FMNL2: variants seen among roughly 807,000 people sequenced by gnomAD.
FMNL2 encodes formin like 2, also known as formin-like protein 2.
A neutral mutation model predicts 130.2 loss-of-function variants in FMNL2; 51 were observed. The observed-to-expected ratio is 0.39, with a 90% CI of 0.31 to 0.49. The LOEUF is 0.49. Ranked by LOEUF, FMNL2 falls within the 20% of genes least tolerant of loss-of-function variation. The pLI is 0.85. For missense variants in FMNL2, 977 were observed against 1,316.2 expected, an observed-to-expected ratio of 0.74 and a Z score of 3.99; for synonymous variants, 465 against 467.1, an observed-to-expected ratio of 1.00 and a Z score of 0.06.
In FMNL2 at chr2:152,395,178, G is replaced by A. The variant is rs562107981; in HGVS notation, c.117+59458G>A. The stretch of plus-strand genomic sequence containing the variant: ...AGTCCCACTGCAGAAGTCCTGCTCC[G>A]GTCAGCCCGTATTTCCAGAGTGTTC... On this transcript the variant is annotated intron_variant, in intron 1 of 25. Coordinates refer to ENST00000288670, the MANE Select transcript of FMNL2 (RefSeq NM_052905.4). 1.1e-4 allele frequency among the ~76,000 whole-genome samples: 16 copies of A among 152,248 alleles called. No homozygotes were observed. In the South Asian group the frequency reaches 3.1e-3, roughly 30 times the overall value.
chr2:152,587,820 T>C (rs1375396686), intron 9 of FMNL2, among the ~76,000 whole-genome samples: 1 of 152,186 alleles, frequency 6.6e-6, no homozygotes, highest in Non-Finnish European at 1.5e-5. Flanking sequence ...AATATGAAAA[T>C]GAATCAGACA....
At position 152,578,911 on chromosome 2, in the gene FMNL2, T is replaced by C; in HGVS notation, c.729T>C (p.Ser243=). Residue 243 remains serine, a synonymous_variant, in exon 8 of 26, where the codon TCT becomes TCC. Coordinates refer to ENST00000288670, the MANE Select transcript of FMNL2 (RefSeq NM_052905.4). ...AGTATGGTTTCAACATGGTCATGTCTCATCCACACGCTGTCAATGAGATTG... is the reference window on the plus strand; with the variant it reads ...AGTATGGTTTCAACATGGTCATGTCCCATCCACACGCTGTCAATGAGATTG... The part of the protein sequence containing the change: ...NYQYGFNMVM[S]HPHAVNEIAL... 1 of 1,613,402 alleles carries C rather than the reference T, an allele frequency of 6.2e-7. No individual in the cohort carries two copies. The highest frequency in any genetic ancestry group is 8.5e-7 in the Non-Finnish European group (1 of 1,179,632).
intron 1 of FMNL2, among the ~76,000 whole-genome samples, chr2:152,360,416 C>T (rs1440424337): frequency 2.0e-5 from 3 of 152,152 alleles, no homozygotes; most frequent in African/African-American, 7.2e-5. Context: ...ACTGCAGCCT[C>T]TACCTCCTGG....
At chr2:152,348,356 C>T (rs1433816255) in intron 1 of FMNL2, among the ~76,000 whole-genome samples, 1 of 152,204 alleles carries the variant, frequency 6.6e-6, no homozygotes, top group Non-Finnish European at 1.5e-5. Flanking sequence ...AGGCAAGGAT[C>T]ATGTCTTACG....
chr2:152,503,091 T>C (rs1297413959), intron 1 of FMNL2, among the ~76,000 whole-genome samples: 1 of 152,170 alleles, frequency 6.6e-6, no homozygotes, highest in Non-Finnish European at 1.5e-5. Flanking sequence ...TAAAGAGGAA[T>C]TACTCATGAC....
chr2:152,598,565 T>A (rs913034464), intron 9 of FMNL2, among the ~76,000 whole-genome samples: 1 of 152,134 alleles, frequency 6.6e-6, no homozygotes, highest in African/African-American at 2.4e-5. Flanking sequence ...GGCATGTGCC[T>A]TTAATCCCAG....
chr2:152,491,724 G>C (rs1004615739), intron 1 of FMNL2, among the ~76,000 whole-genome samples: 4 of 152,228 alleles, frequency 2.6e-5, no homozygotes, highest in African/African-American at 7.2e-5. Context: ...GCTGAGGCGA[G>C]AGGATCACTT....
intron 13 of FMNL2, 44 bp downstream of exon 13, chr2:152,617,236 ATG>A (rs750773189): frequency 1.3e-6 from 2 of 1,560,426 alleles, no homozygotes; most frequent in Non-Finnish European, 1.8e-6. Flanking sequence ...ACGGTAGGGA[ATG>A]TACTCCAGCT....
intron 1 of FMNL2, among the ~76,000 whole-genome samples, chr2:152,390,796 G>A (rs1579551663): frequency 6.6e-6 from 1 of 152,146 alleles, no homozygotes; most frequent in Non-Finnish European, 1.5e-5. Context: ...TGGGGCTTGG[G>A]GTCTTGTCTT....
At chr2:152,390,653 C>G (rs1240157301) in intron 1 of FMNL2, 1 of 825,892 alleles carries the variant, frequency 1.2e-6, no homozygotes, top group Non-Finnish European at 2.2e-6. Flanking sequence ...TTTTTCCTCC[C>G]TGAACTCTTG....
At chr2:152,637,542 T>C in intron 22 of FMNL2, 31 bp from the exon 23 acceptor site, 1 of 1,584,574 alleles carries the variant, frequency 6.3e-7, no homozygotes, top group Non-Finnish European at 8.7e-7. Flanking sequence ...GCCTAACTAA[T>C]GAAACTCAAG....
At chr2:152,582,634 A>G (rs982147306) in intron 9 of FMNL2, among the ~76,000 whole-genome samples, 3 of 152,194 alleles carry the variant, frequency 2.0e-5, no homozygotes, top group African/African-American at 7.2e-5. Context: ...GAATGTACGA[A>G]TGCTTGTCTG....
chr2:152,539,300 A>C (rs1694174900), intron 2 of FMNL2: 1 of 155,468 alleles, frequency 6.4e-6, no homozygotes, highest in Non-Finnish European at 1.4e-5. Context: ...TCTTGCAAAA[A>C]GCACTCAAAA....
At chr2:152,515,043 G>A (rs566117444) in intron 1 of FMNL2, among the ~76,000 whole-genome samples, 5 of 152,252 alleles carry the variant, frequency 3.3e-5, no homozygotes, top group African/African-American at 1.2e-4. Context: ...TAGCTGAGAT[G>A]ACACTCTAAA....
intron 1 of FMNL2, among the ~76,000 whole-genome samples, chr2:152,483,994 G>A (rs1429986762): frequency 6.6e-6 from 1 of 152,182 alleles, no homozygotes; most frequent in African/African-American, 2.4e-5. Flanking sequence ...TTAGTCATTA[G>A]TGCTTAATGT....
At position 152,404,150 on chromosome 2, in the gene FMNL2, A is replaced by G. The variant is rs141497988; in HGVS notation, c.117+68430A>G. 3.0e-4 allele frequency among the ~76,000 whole-genome samples: 46 copies of G among 152,332 alleles called. No individual in the cohort carries two copies. The East Asian group carries it at 8.5e-3, about 28-fold the overall frequency. On this transcript the variant is annotated intron_variant, in intron 1 of 25. Transcript: ENST00000288670. ...CCGCCTTTTTTTTGGACATTGAAGC[A>G]CATCTTCAGACTTCCATCTCTGGGT...
chr2:152,586,983 C>T (rs1260995265), intron 9 of FMNL2, among the ~76,000 whole-genome samples: 1 of 152,118 alleles, frequency 6.6e-6, no homozygotes, highest in Non-Finnish European at 1.5e-5. Flanking sequence ...GATGCCAGTC[C>T]ATCTGGAGGC....
At chr2:152,646,550 A>G (rs1489936179) in intron 25 of FMNL2, among the ~76,000 whole-genome samples, 1 of 150,992 alleles carries the variant, frequency 6.6e-6, no homozygotes, top group African/African-American at 2.4e-5. Context: ...TATGTTAATT[A>G]CCAATTTAAA....
At chr2:152,391,787 G>A (rs1685122258) in intron 1 of FMNL2, among the ~76,000 whole-genome samples, 1 of 149,274 alleles carries the variant, frequency 6.7e-6, no homozygotes, top group African/African-American at 2.4e-5. Context: ...CTTAAAATTG[G>A]CCTTTTTCTA....
Sources: allele counts gnomAD v4.1 joint callset (sites outside exome capture counted in the v4.1 genomes callset), GRCh38; gene constraint gnomAD v4.1.1; transcripts MANE v1.5; gene names NCBI Gene and HGNC (gene_info 2026-07-23, HGNC 2026-07-21).